SPTSSA: variants seen among roughly 807,000 people sequenced by gnomAD.
SPTSSA encodes small subunit of serine palmitoyltransferase A.
In SPTSSA, 8 loss-of-function variants were observed where a neutral mutation model predicts 9.1. The observed-to-expected ratio is 0.88, with a 90% CI of 0.51 to 1.58. SPTSSA has a LOEUF of 1.58. Among genes scored for constraint, SPTSSA ranks in the 40% most tolerant of loss-of-function variants. The pLI is 0.00. For missense variants in SPTSSA, 100 were observed against 93.8 expected (o/e 1.07, Z -0.27); for synonymous variants, 42 against 37.7 (o/e 1.11, Z -0.41).
chr14:34,438,970 A>C (rs989368099), intron 1 of SPTSSA, among the ~76,000 whole-genome samples: 2 of 152,150 alleles, frequency 1.3e-5, no homozygotes, highest in Non-Finnish European at 2.9e-5. Context: ...AAATCTTAGG[A>C]TCCACAGAAG....
At chr14:34,441,308 CTT>C (rs1883312456) in intron 1 of SPTSSA, among the ~76,000 whole-genome samples, 1 of 152,148 alleles carries the variant, frequency 6.6e-6, no homozygotes, top group South Asian at 2.1e-4. Flanking sequence ...CAAGTAAACA[CTT>C]TGTAACTTTA....
At chr14:34,459,723 G>A (rs1878579862) in intron 1 of SPTSSA, among the ~76,000 whole-genome samples, 1 of 152,188 alleles carries the variant, frequency 6.6e-6, no homozygotes, top group Admixed American at 6.5e-5. Flanking sequence ...GGAGGTTGCA[G>A]TGAGCCAAGA....
At chr14:34,438,235 A>G (rs1237041633) in intron 1 of SPTSSA, among the ~76,000 whole-genome samples, 1 of 152,068 alleles carries the variant, frequency 6.6e-6, no homozygotes, top group Admixed American at 6.6e-5. Context: ...AAACAACTAC[A>G]GGTTGAGTAT....
intron 1 of SPTSSA, among the ~76,000 whole-genome samples, chr14:34,455,378 C>T (rs762203748): frequency 4.8e-4 from 73 of 150,980 alleles, no homozygotes; most frequent in Non-Finnish European, 7.7e-4. Context: ...AAGAGCGAAA[C>T]TGTCTCAAAA....
chr14:34,451,967 AC>A (rs1223170756), intron 1 of SPTSSA, among the ~76,000 whole-genome samples: 3 of 152,046 alleles, frequency 2.0e-5, no homozygotes, highest in Non-Finnish European at 4.4e-5. Flanking sequence ...ACCTCAAAAA[AC>A]TGCAGATCAT....
At chr14:34,446,963 C>A (rs1177084999) in intron 1 of SPTSSA, among the ~76,000 whole-genome samples, 1 of 152,088 alleles carries the variant, frequency 6.6e-6, no homozygotes, top group Non-Finnish European at 1.5e-5. Flanking sequence ...GTGGCTCACA[C>A]CTGTAATCAC....
intron 1 of SPTSSA, among the ~76,000 whole-genome samples, chr14:34,458,241 G>T (rs1265000227): frequency 6.6e-6 from 1 of 151,872 alleles, no homozygotes; most frequent in Admixed American, 6.6e-5. Context: ...CACCTAGGCT[G>T]GAGTGCAGTG....
chr14:34,442,720 C>G (rs1218383040), intron 1 of SPTSSA, among the ~76,000 whole-genome samples: 3 of 152,156 alleles, frequency 2.0e-5, no homozygotes, highest in Non-Finnish European at 4.4e-5. Context: ...GTCTGGTTAA[C>G]AGGTGACACG....
At position 34,439,892 on chromosome 14, in the gene SPTSSA, C is replaced by T. The variant is rs74916922; in HGVS notation, c.113-4588G>A. On this transcript the variant is annotated intron_variant, in intron 1 of 1. Coordinates refer to ENST00000298130, the MANE Select transcript of SPTSSA (RefSeq NM_138288.4). Reference sequence around the variant, plus strand: ...ACTTTCCTACATATGAAAAGCCCTACTCCCCCTAGTAAAACCTAATAATTC... The same window carrying T: ...ACTTTCCTACATATGAAAAGCCCTATTCCCCCTAGTAAAACCTAATAATTC... 7.4e-3 allele frequency among the ~76,000 whole-genome samples: 1,125 copies of T among 152,334 alleles called. 17 individuals are homozygous for T. The highest frequency in any genetic ancestry group is 0.026 in the African/African-American group (1,066 of 41,574).
chr14:34,434,145 T>C lies in SPTSSA; in HGVS notation c.*1056A>G, dbSNP rs1264708025. ...CAATATTTAACCATCAAGGAAAAGA[T>C]ATACTGCTACATCAGCTGATTTTTT... On this transcript the variant is annotated 3_prime_UTR_variant, in exon 2 of 2. Coordinates refer to ENST00000298130, the MANE Select transcript of SPTSSA (RefSeq NM_138288.4). The C allele has an allele frequency of 1.3e-5, 2 of 152,138 alleles. No individual in the cohort carries two copies. The highest frequency in any genetic ancestry group is 4.8e-5 in the African/African-American group (2 of 41,376). 9.4% of individuals were successfully genotyped at this position (152,138 alleles called of 1,614,324 possible). A position where few individuals can be genotyped will look rare whatever the true frequency, so the allele number is the denominator to read the frequency against.
Position 34,462,077 on chromosome 14 carries a change from C to T in SPTSSA, c.112+19G>A, listed in dbSNP as rs1055935659. ...GCGCCCCCAGCCCGGCCCCCGCGCGCGCGGCCGGGACAGGATACTGAACAC... is the reference window on the plus strand; with the variant it reads ...GCGCCCCCAGCCCGGCCCCCGCGCGTGCGGCCGGGACAGGATACTGAACAC... On this transcript the variant is annotated intron_variant, in intron 1 of 1. Coordinates refer to ENST00000298130, the MANE Select transcript of SPTSSA (RefSeq NM_138288.4). 1.0e-5 allele frequency: 14 copies of T among 1,371,348 alleles called. No homozygotes were observed. The highest frequency in any genetic ancestry group is 1.3e-5 in the Non-Finnish European group (14 of 1,049,680). The allele number at this position is 1,371,348 out of a possible 1,614,324, so 84.9% of individuals were successfully genotyped here.
At chr14:34,455,463 C>T (rs1411414492) in intron 1 of SPTSSA, among the ~76,000 whole-genome samples, 5 of 151,902 alleles carry the variant, frequency 3.3e-5, no homozygotes, top group African/African-American at 1.2e-4. Flanking sequence ...AAACTGCTGA[C>T]ACTGGTTGTC....
intron 1 of SPTSSA, among the ~76,000 whole-genome samples, chr14:34,456,756 G>A (rs773567133): frequency 5.3e-5 from 8 of 151,360 alleles, no homozygotes; most frequent in Non-Finnish European, 7.4e-5. Context: ...AAAATTAGCC[G>A]GGCGTGGTGG....
intron 1 of SPTSSA, among the ~76,000 whole-genome samples, chr14:34,436,219 G>T (rs1027569805): frequency 1.6e-4 from 25 of 152,060 alleles, no homozygotes; most frequent in African/African-American, 6.0e-4. Context: ...TTCAAATAAA[G>T]GTAATCTTGA....
At position 34,462,148 on chromosome 14, in the gene SPTSSA, G is replaced by C; in HGVS notation, c.60C>G (p.Tyr20Ter). The C allele has an allele frequency of 6.5e-7, 1 of 1,533,100 alleles. No individual in the cohort carries two copies. The highest frequency in any genetic ancestry group is 2.8e-5 in the East Asian group (1 of 36,154). The allele number at this position is 1,533,100 out of a possible 1,614,324, so 95.0% of individuals were successfully genotyped here. A position where few individuals can be genotyped will look rare whatever the true frequency, so the allele number is the denominator to read the frequency against. The stretch of plus-strand genomic sequence containing the variant: ...GCATGTAGAGCGCCGTGACCAGCAG[G>C]TACTGGTAGTAGAACCAGGACATCT... The part of the protein sequence containing the change: ...WKQMSWFYYQ[Y>*]LLVTALYMLE... Residue 20 changes from tyrosine to a stop codon, truncating the protein, a stop_gained, in exon 1 of 2, where the codon TAC becomes TAG. Coordinates refer to ENST00000298130, the MANE Select transcript of SPTSSA (RefSeq NM_138288.4). LOFTEE classifies it high-confidence loss of function.
intron 1 of SPTSSA, among the ~76,000 whole-genome samples, chr14:34,435,732 T>C (rs1409582259): frequency 1.3e-5 from 2 of 148,582 alleles, no homozygotes; most frequent in South Asian, 2.1e-4. Context: ...TGGGTTCAAG[T>C]GATTCTCCTG....
chr14:34,451,141 C>G (rs1292911994), intron 1 of SPTSSA, among the ~76,000 whole-genome samples: 1 of 151,304 alleles, frequency 6.6e-6, no homozygotes, highest in African/African-American at 2.4e-5. Flanking sequence ...AAAACCATAG[C>G]AACTAACATT....
At position 34,462,096 on chromosome 14, in the gene SPTSSA, T is replaced by C. The variant is rs1194773067; in HGVS notation, c.112A>G (p.Asn38Asp). 3 of 1,492,158 alleles carry C rather than the reference T, an allele frequency of 2.0e-6. No individual in the cohort carries two copies. Among genetic ancestry groups the C allele is most frequent in the Non-Finnish European group, 2.7e-6 (3 of 1,114,022 alleles). 92.4% of individuals were successfully genotyped at this position (1,492,158 alleles called of 1,614,324 possible). The part of the protein sequence containing the change: ...MLEPWERTVF[N>D]SMLVSIVGMA... ...CGCGCGCGCGGCCGGGACAGGATAC[T>C]GAACACCGTCCGCTCCCAGGGCTCC... is the stretch of plus-strand genomic sequence containing the variant. The change falls in exon 1 of 2, where the codon AAT (asparagine) becomes GAT (aspartate). Residue 38 changes from asparagine to aspartate, a missense_variant and splice_region_variant. Asn to Asp is a conservative substitution (Grantham distance 23). Coordinates refer to ENST00000298130, the MANE Select transcript of SPTSSA (RefSeq NM_138288.4).
rs1009873849 is a variant in SPTSSA, at chr14:34,435,098, T to A, written c.*103A>T. The A allele has an allele frequency of 2.6e-6, 2 of 768,374 alleles. No homozygotes were observed. Among genetic ancestry groups the A allele is most frequent in the Admixed American group, 5.2e-5 (2 of 38,490 alleles). The allele number at this position is 768,374 out of a possible 1,614,324, so 47.6% of individuals were successfully genotyped here. ...GAATTTTAGTCTTTATAAGGTTGGT[T>A]ATGTTGACATCTAGAAGAGTTTCTT... On this transcript the variant is annotated 3_prime_UTR_variant, in exon 2 of 2. Transcript: ENST00000298130.
Sources: gnomAD v4.1 joint callset for allele counts (sites outside exome capture counted in the v4.1 genomes callset) on GRCh38, gnomAD v4.1.1 for gene constraint, MANE v1.5 for transcripts, NCBI Gene and HGNC (gene_info 2026-07-23, HGNC 2026-07-21) for gene names.